The following ELMO1 variants were observed in gnomAD, a reference collection of about 807,000 sequenced individuals.
ELMO1 encodes the protein engulfment and cell motility 1, also known as engulfment and cell motility protein 1.
ELMO1 carries 26 observed loss-of-function variants against 98.9 expected under a neutral mutation model. The ratio of observed to expected loss-of-function variants is 0.26; its 90% CI spans 0.19 to 0.36. The LOEUF is 0.36. ELMO1 is among the 10% of genes least tolerant of loss of function. The pLI is 1.00. For missense variants in ELMO1, 627 were observed against 935.2 expected (o/e 0.67, Z 4.30); for synonymous variants, 346 against 346.0 (o/e 1.00, Z 0.00).
At chr7:37,164,312 C>T (rs377095691) in intron 13 of ELMO1, among the ~76,000 whole-genome samples, 2 of 152,270 alleles carry the variant, frequency 1.3e-5, no homozygotes, top group Middle Eastern at 3.4e-3. Context: ...ATGGTAGTTT[C>T]TTTTGCTGTG....
chr7:37,328,913 A>C (rs1799959627), intron 2 of ELMO1, among the ~76,000 whole-genome samples: 1 of 152,152 alleles, frequency 6.6e-6, no homozygotes, highest in South Asian at 2.1e-4. Context: ...ACTTTTATTC[A>C]TCTTCTTCTA....
chr7:37,144,909 T>C (rs760013575), intron 13 of ELMO1, among the ~76,000 whole-genome samples: 92 of 152,328 alleles, frequency 6.0e-4, no homozygotes, highest in Non-Finnish European at 9.0e-4. Context: ...AGGGAAAATA[T>C]AAGCTCTAAG....
At chr7:37,337,390 G>C (rs112733456) in intron 2 of ELMO1, among the ~76,000 whole-genome samples, 5,208 of 152,194 alleles carry the variant, frequency 0.034, 129 homozygotes, top group Middle Eastern at 0.058. Context: ...GTAAGGGAAG[G>C]GGGGAGGGAT....
chr7:37,238,998 C>T (rs1196307892), intron 7 of ELMO1, among the ~76,000 whole-genome samples: 1 of 151,928 alleles, frequency 6.6e-6, no homozygotes, highest in African/African-American at 2.4e-5. Context: ...TTGTCTTTGC[C>T]AGGTTTTGGT....
At chr7:37,167,809 T>C (rs541913206) in intron 13 of ELMO1, among the ~76,000 whole-genome samples, 1 of 150,222 alleles carries the variant, frequency 6.7e-6, no homozygotes, top group Admixed American at 6.6e-5. Flanking sequence ...ATCTGACAAT[T>C]ATGTGTCTTG....
At chr7:36,900,045 C>A (rs1031362871) in intron 16 of ELMO1, among the ~76,000 whole-genome samples, 2 of 152,164 alleles carry the variant, frequency 1.3e-5, no homozygotes, top group African/African-American at 4.8e-5. Context: ...CTTGCATCAG[C>A]TGGCCACTTG....
At chr7:37,208,572 C>T (rs942061221) in intron 13 of ELMO1, among the ~76,000 whole-genome samples, 3 of 152,158 alleles carry the variant, frequency 2.0e-5, no homozygotes, top group Non-Finnish European at 2.9e-5. Context: ...GAATTCTGCA[C>T]GAGACTGCTT....
intron 1 of ELMO1, among the ~76,000 whole-genome samples, chr7:37,406,842 T>C (rs117530834): frequency 0.011 from 1,647 of 152,238 alleles, 13 homozygotes; most frequent in Non-Finnish European, 0.018. Flanking sequence ...GACTCACTAA[T>C]AATCAGGAAA....
intron 1 of ELMO1, among the ~76,000 whole-genome samples, chr7:37,395,900 A>G (rs1803281821): frequency 6.6e-6 from 1 of 152,246 alleles, no homozygotes; most frequent in Non-Finnish European, 1.5e-5. Flanking sequence ...ATTTTTGATT[A>G]ACAGTGAGAA....
intron 16 of ELMO1, among the ~76,000 whole-genome samples, chr7:37,009,730 A>G (rs1793414637): frequency 6.6e-6 from 1 of 152,248 alleles, no homozygotes; most frequent in African/African-American, 2.4e-5. Flanking sequence ...CTCTGTTTAC[A>G]GTGGCAAGAA....
At chr7:37,217,236 C>A (rs1429694400) in intron 10 of ELMO1, among the ~76,000 whole-genome samples, 1 of 152,232 alleles carries the variant, frequency 6.6e-6, no homozygotes, top group Non-Finnish European at 1.5e-5. Flanking sequence ...AGTCTACACT[C>A]ACTGAGCTCT....
At chr7:36,969,746 A>T (rs1789755878) in intron 16 of ELMO1, among the ~76,000 whole-genome samples, 1 of 152,116 alleles carries the variant, frequency 6.6e-6, no homozygotes, top group Non-Finnish European at 1.5e-5. Context: ...TTTTTAAAAG[A>T]CTCAAAAGGT....
At chr7:37,437,607 C>G (rs1805203313) in intron 1 of ELMO1, among the ~76,000 whole-genome samples, 1 of 152,180 alleles carries the variant, frequency 6.6e-6, no homozygotes, top group South Asian at 2.1e-4. Flanking sequence ...ATGAACATAT[C>G]TATCACTTCA....
chr7:37,061,784 T>C (rs1796681151), intron 15 of ELMO1, among the ~76,000 whole-genome samples: 1 of 152,186 alleles, frequency 6.6e-6, no homozygotes, highest in African/African-American at 2.4e-5. Flanking sequence ...TCAATACTCA[T>C]GGGGTTTTCT....
chr7:37,010,054 C>G (rs954038976), intron 16 of ELMO1, among the ~76,000 whole-genome samples: 1 of 152,260 alleles, frequency 6.6e-6, no homozygotes, highest in East Asian at 1.9e-4. Context: ...GAACCAGAAG[C>G]TGTCACAAAG....
chr7:37,380,468 A>G (rs1442034796), intron 1 of ELMO1, among the ~76,000 whole-genome samples: 1 of 152,262 alleles, frequency 6.6e-6, no homozygotes, highest in South Asian at 2.1e-4. Flanking sequence ...TAGGATGACC[A>G]TATGACCCAG....
At chr7:37,346,748 T>C (rs1357992097) in intron 1 of ELMO1, among the ~76,000 whole-genome samples, 1 of 152,138 alleles carries the variant, frequency 6.6e-6, no homozygotes, top group Non-Finnish European at 1.5e-5. Flanking sequence ...ATAATAAAAA[T>C]TAAAATGCAT....
intron 20 of ELMO1, among the ~76,000 whole-genome samples, chr7:36,868,326 G>T (rs144005636): frequency 2.2e-5 from 3 of 138,042 alleles, no homozygotes; most frequent in African/African-American, 5.6e-5. Flanking sequence ...GCTTTGTTCT[G>T]CTTCTTCTTC....
intron 13 of ELMO1, among the ~76,000 whole-genome samples, chr7:37,184,694 G>GC (rs1286481728): frequency 1.3e-5 from 2 of 152,056 alleles, no homozygotes; most frequent in African/African-American, 4.8e-5. Context: ...GATCACTTGA[G>GC]CCTGGGAGTT....
Sources: allele counts gnomAD v4.1 joint callset (sites outside exome capture counted in the v4.1 genomes callset), GRCh38; gene constraint gnomAD v4.1.1; transcripts MANE v1.5; gene names NCBI Gene and HGNC (gene_info 2026-07-23, HGNC 2026-07-21).